KDM4C: variants seen among roughly 807,000 people sequenced by gnomAD.
KDM4C encodes the protein lysine demethylase 4C.
Under a neutral mutation model 129.3 loss-of-function variants are expected in KDM4C, and 81 were observed. That is an observed-to-expected ratio of 0.63 (90% CI 0.52 to 0.75). The LOEUF is 0.75. Ranked by LOEUF, KDM4C falls within the 30% of genes least tolerant of loss-of-function variation. The pLI is 0.00. For missense variants in KDM4C, 1,457 were observed against 1,304.0 expected, an observed-to-expected ratio of 1.12 and a Z score of -1.81; for synonymous variants, 573 against 456.1, an observed-to-expected ratio of 1.26 and a Z score of -3.26.
chr9:7,121,995 A>T (rs1159651405), intron 18 of KDM4C, among the ~76,000 whole-genome samples: 2 of 150,472 alleles, frequency 1.3e-5, no homozygotes, highest in East Asian at 3.9e-4. Context: ...TTCCATGTTT[A>T]TTCTTTTGGT....
chr9:7,014,709 T>G (rs1188699632), intron 14 of KDM4C, among the ~76,000 whole-genome samples: 1 of 152,128 alleles, frequency 6.6e-6, no homozygotes, highest in African/African-American at 2.4e-5. Context: ...CTGTACTTTG[T>G]CAATGTAGTT....
intron 8 of KDM4C, among the ~76,000 whole-genome samples, chr9:6,951,594 C>T (rs986001897): frequency 3.3e-5 from 5 of 152,120 alleles, no homozygotes; most frequent in African/African-American, 1.2e-4. Flanking sequence ...CCAGAACTGA[C>T]CATTTAAGCC....
At chr9:6,921,797 C>G (rs1036088898) in intron 8 of KDM4C, among the ~76,000 whole-genome samples, 4 of 152,094 alleles carry the variant, frequency 2.6e-5, no homozygotes, top group Admixed American at 6.5e-5. Context: ...CCCTACCCCC[C>G]ATCTTTGACT....
chr9:7,094,549 C>T (rs932554580), intron 17 of KDM4C, among the ~76,000 whole-genome samples: 1 of 152,072 alleles, frequency 6.6e-6, no homozygotes, highest in East Asian at 1.9e-4. Flanking sequence ...ATCTGAGATA[C>T]TTACGTAGGG....
chr9:7,073,195 T>C (rs1420924492), intron 17 of KDM4C, among the ~76,000 whole-genome samples: 2 of 152,216 alleles, frequency 1.3e-5, no homozygotes, highest in African/African-American at 4.8e-5. Context: ...CCATTTAGAA[T>C]GTTCCGATCT....
intron 17 of KDM4C, among the ~76,000 whole-genome samples, chr9:7,094,913 GATGCACTCAGGGGCCTT>G (rs1225417242): frequency 6.6e-6 from 1 of 152,194 alleles, no homozygotes; most frequent in African/African-American, 2.4e-5. Context: ...ATAAGGGTCA[GATGCACTCAGGGGCCTT>G]GGGATAGCTT....
intron 17 of KDM4C, among the ~76,000 whole-genome samples, chr9:7,101,372 A>C (rs2133130856): frequency 6.6e-6 from 1 of 152,248 alleles, no homozygotes; most frequent in Non-Finnish European, 1.5e-5. Context: ...AACAAATGAA[A>C]ATGGGGGTCT....
chr9:6,772,926 C>G (rs2130648190), intron 1 of KDM4C, among the ~76,000 whole-genome samples: 1 of 151,540 alleles, frequency 6.6e-6, no homozygotes, highest in South Asian at 2.1e-4. Context: ...GAACTCTTGA[C>G]CGCAGGTGAT....
chr9:6,923,082 A>G (rs910021146), intron 8 of KDM4C, among the ~76,000 whole-genome samples: 2 of 152,038 alleles, frequency 1.3e-5, no homozygotes, highest in Non-Finnish European at 2.9e-5. Context: ...TTTTATGGGT[A>G]TTTATTTGGT....
In KDM4C at chr9:7,174,805, G is replaced by C. The variant is rs1040909225; in HGVS notation, c.*76G>C. The C allele has an allele frequency of 2.2e-6, 3 of 1,349,762 alleles. No homozygotes were observed. Among genetic ancestry groups the C allele is most frequent in the Non-Finnish European group, 3.1e-6 (3 of 965,040 alleles). The allele number at this position is 1,349,762 out of a possible 1,614,324, so 83.6% of individuals were successfully genotyped here. ...GATGAAGGGACATCCTTGGGGCTGT[G>C]CCGTGAGTTTTGCTGGCATAGGTGA... On this transcript the variant is annotated 3_prime_UTR_variant, in exon 22 of 22. Coordinates refer to ENST00000381309, the MANE Select transcript of KDM4C (RefSeq NM_015061.6).
intron 8 of KDM4C, among the ~76,000 whole-genome samples, chr9:6,922,634 C>T (rs183961830): frequency 9.2e-5 from 14 of 152,380 alleles, no homozygotes; most frequent in Admixed American, 7.2e-4. Context: ...GTAGTCTCAT[C>T]TACCTGGGAG....
In KDM4C at chr9:6,834,320, G is replaced by A. The variant is rs1280187356; in HGVS notation, c.436-15187G>A. On this transcript the variant is annotated intron_variant, in intron 4 of 21. Coordinates refer to ENST00000381309, the MANE Select transcript of KDM4C (RefSeq NM_015061.6). ...CCAAAGTGCTGAGATTACAGCATGAGCCACCCCATCTGGCCGATAGTCTCT... is the reference window on the plus strand; with the variant it reads ...CCAAAGTGCTGAGATTACAGCATGAACCACCCCATCTGGCCGATAGTCTCT... The A allele has an allele frequency of 1.7e-5, 5 of 291,718 alleles. No individual in the cohort carries two copies. In the East Asian group the frequency reaches 4.3e-4, roughly 25 times the overall value. 18.1% of individuals were successfully genotyped at this position (291,718 alleles called of 1,614,324 possible).
intron 1 of KDM4C, among the ~76,000 whole-genome samples, chr9:6,736,116 G>C (rs1357401456): frequency 6.6e-6 from 1 of 152,126 alleles, no homozygotes; most frequent in Non-Finnish European, 1.5e-5. Context: ...TAGGGTATCT[G>C]GTGGAAGAAA....
intron 1 of KDM4C, among the ~76,000 whole-genome samples, chr9:6,747,275 C>G (rs894370008): frequency 6.6e-6 from 1 of 151,898 alleles, no homozygotes; most frequent in African/African-American, 2.4e-5. Context: ...TGGCCGGGCA[C>G]TGTGGCTCCA....
chr9:6,904,273 T>C (rs1817914262), intron 8 of KDM4C, among the ~76,000 whole-genome samples: 1 of 152,258 alleles, frequency 6.6e-6, no homozygotes, highest in East Asian at 1.9e-4. Flanking sequence ...TCTATGTCTA[T>C]CTATATATTT....
At chr9:6,820,665 A>T (rs987480101) in intron 4 of KDM4C, among the ~76,000 whole-genome samples, 3 of 149,888 alleles carry the variant, frequency 2.0e-5, no homozygotes, top group Admixed American at 6.6e-5. Flanking sequence ...CAGAAGAGGG[A>T]GAGGGCCTGG....
chr9:7,036,549 G>C (rs1308244315), intron 15 of KDM4C, among the ~76,000 whole-genome samples: 1 of 152,054 alleles, frequency 6.6e-6, no homozygotes, highest in Non-Finnish European at 1.5e-5. Flanking sequence ...ATGATTTTCT[G>C]TTCTTCTGTT....
At chr9:7,017,578 A>C (rs1285825321) in intron 15 of KDM4C, among the ~76,000 whole-genome samples, 3 of 152,144 alleles carry the variant, frequency 2.0e-5, no homozygotes, top group Non-Finnish European at 4.4e-5. Flanking sequence ...CATTTGATTA[A>C]GTTTTACCTT....
chr9:6,845,209 A>G (rs1189813872), intron 4 of KDM4C, among the ~76,000 whole-genome samples: 2 of 152,182 alleles, frequency 1.3e-5, no homozygotes, highest in South Asian at 2.1e-4. Flanking sequence ...AGATTTAGGA[A>G]TGCATTGATT....
Sources: allele counts gnomAD v4.1 joint callset (sites outside exome capture counted in the v4.1 genomes callset), GRCh38; gene constraint gnomAD v4.1.1; transcripts MANE v1.5; gene names NCBI Gene and HGNC (gene_info 2026-07-23, HGNC 2026-07-21).